Variants in CNBD1 observed in about 807,000 individuals in gnomAD.
The protein encoded by CNBD1 is cyclic nucleotide binding domain containing 1.
In CNBD1, 71 loss-of-function variants were observed where a neutral mutation model predicts 54.4. The ratio of observed to expected loss-of-function variants is 1.30; its 90% CI spans 1.08 to 1.59. CNBD1 has a LOEUF of 1.59. Ranked by LOEUF, CNBD1 falls within the 40% of genes most tolerant of loss-of-function variation. The pLI is 0.00. For missense variants in CNBD1, 659 were observed against 518.0 expected (o/e 1.27, Z -2.64); for synonymous variants, 182 against 170.7 (o/e 1.07, Z -0.51).
chr8:87,406,477 CACTT>C (rs1292802637), intron 2 of CNBD1, among the ~76,000 whole-genome samples: 484 of 99,924 alleles, frequency 4.8e-3, no homozygotes, highest in African/African-American at 0.021. Flanking sequence ...CACACACACA[CACTT>C]TTTTTTTTTT....
intron 3 of CNBD1, among the ~76,000 whole-genome samples, chr8:86,913,607 G>A (rs1586130550): frequency 6.6e-6 from 1 of 152,252 alleles, no homozygotes; most frequent in Non-Finnish European, 1.5e-5. Context: ...TTTCAAAGGG[G>A]AGGGAATGCA....
intron 2 of CNBD1, among the ~76,000 whole-genome samples, chr8:87,388,040 A>T (rs1406413041): frequency 6.6e-6 from 1 of 152,212 alleles, no homozygotes. Flanking sequence ...AGAAATAAAG[A>T]TGTTCTTTGA....
At chr8:87,262,583 A>G (rs752436582) in intron 6 of CNBD1, among the ~76,000 whole-genome samples, 1 of 152,126 alleles carries the variant, frequency 6.6e-6, no homozygotes, top group Non-Finnish European at 1.5e-5. Context: ...GCTAAGACAT[A>G]TATCTCCTGC....
At chr8:87,386,381 A>G (rs1288130973), downstream of CNBD1, among the ~76,000 whole-genome samples, 1 of 152,142 alleles carries the variant, frequency 6.6e-6, no homozygotes, top group Non-Finnish European at 1.5e-5. Context: ...AATTAGATGA[A>G]TGGCTAACGA....
chr8:87,176,897 A>G (rs931238438), intron 4 of CNBD1, among the ~76,000 whole-genome samples: 1 of 152,320 alleles, frequency 6.6e-6, no homozygotes, highest in Non-Finnish European at 1.5e-5. Flanking sequence ...TCATTTAAAT[A>G]GAATACTTTA....
chr8:86,934,452 G>A (rs1471173260), intron 3 of CNBD1, among the ~76,000 whole-genome samples: 1 of 152,030 alleles, frequency 6.6e-6, no homozygotes, highest in Non-Finnish European at 1.5e-5. Context: ...AAAAATAACA[G>A]CTTTACTTGT....
At chr8:86,930,957 C>T (rs1586142655) in intron 3 of CNBD1, among the ~76,000 whole-genome samples, 1 of 152,152 alleles carries the variant, frequency 6.6e-6, no homozygotes, top group East Asian at 1.9e-4. Context: ...CCTTCCAAGT[C>T]CTAGACTTCA....
chr8:87,080,124 T>A (rs1810959200), intron 4 of CNBD1, among the ~76,000 whole-genome samples: 1 of 152,224 alleles, frequency 6.6e-6, no homozygotes, highest in Non-Finnish European at 1.5e-5. Context: ...GAGCCTACAT[T>A]TCTGGGTCTA....
chr8:86,881,839 G>A (rs1302028523), intron 1 of CNBD1, among the ~76,000 whole-genome samples: 2 of 152,038 alleles, frequency 1.3e-5, no homozygotes, highest in Non-Finnish European at 2.9e-5. Flanking sequence ...ATGGAACAGA[G>A]TAGTGAACCC....
At chr8:87,129,938 T>C (rs1253571280) in intron 4 of CNBD1, among the ~76,000 whole-genome samples, 1 of 152,170 alleles carries the variant, frequency 6.6e-6, no homozygotes, top group Admixed American at 6.5e-5. Context: ...CTCACAATCA[T>C]GGTGGAAGGC....
intron 4 of CNBD1, among the ~76,000 whole-genome samples, chr8:86,963,287 C>A (rs1263098154): frequency 6.6e-6 from 1 of 152,136 alleles, no homozygotes; most frequent in East Asian, 1.9e-4. Flanking sequence ...TAGACCCTAT[C>A]TATGCCATGT....
At chr8:87,373,037 T>C (rs1810850543) in intron 10 of CNBD1, among the ~76,000 whole-genome samples, 1 of 151,824 alleles carries the variant, frequency 6.6e-6, no homozygotes, top group Non-Finnish European at 1.5e-5. Context: ...TTATAGTAGT[T>C]AGATTATAAC....
chr8:86,956,419 G>C (rs76510137), intron 4 of CNBD1, among the ~76,000 whole-genome samples: 111,469 of 152,020 alleles, frequency 0.73, 42,197 homozygotes, highest in East Asian at 0.96. Context: ...AATTACCTTG[G>C]GCAGTATGAC....
At chr8:87,237,532 T>C (rs1182976260) in intron 6 of CNBD1, among the ~76,000 whole-genome samples, 3 of 152,156 alleles carry the variant, frequency 2.0e-5, no homozygotes, top group Non-Finnish European at 4.4e-5. Context: ...GATAGTCAAG[T>C]AGTTAATTAC....
At chr8:87,284,578 T>G (rs1808656082) in intron 6 of CNBD1, 100 bp from the exon 7 acceptor site, 1 of 1,055,186 alleles carries the variant, frequency 9.5e-7, no homozygotes, top group African/African-American at 1.6e-5. Flanking sequence ...GAACCCCCTC[T>G]TTCATAGAAT....
rs1466032595 is a variant in CNBD1, at chr8:87,183,391, T to G, written c.432-22602T>G. ...GTTTGTTTTTGCGCTGTTTGTTTTT[T>G]TTTTTTTTTTTTGCTAATGATGGCT... On this transcript the variant is annotated intron_variant, in intron 4 of 10. Transcript: ENST00000518476. Among the ~76,000 whole-genome samples the G allele has an allele frequency of 1.4e-3, 193 of 139,448 alleles. 2 individuals carry two copies. The highest frequency in any genetic ancestry group is 4.7e-3 in the African/African-American group (179 of 38,120). The allele number at this position is 139,448 out of a possible 152,430, so 91.5% of individuals were successfully genotyped here.
intron 4 of CNBD1, among the ~76,000 whole-genome samples, chr8:87,010,577 A>G (rs1466885952): frequency 6.6e-6 from 1 of 152,062 alleles, no homozygotes; most frequent in Non-Finnish European, 1.5e-5. Context: ...GTGAAACCCT[A>G]TCTCTACTAA....
At chr8:86,904,961 G>A (rs1478125959) in intron 2 of CNBD1, 120 bp from the exon 3 acceptor site, 1 of 415,436 alleles carries the variant, frequency 2.4e-6, no homozygotes, top group African/African-American at 2.0e-5. Flanking sequence ...TTATATTTTT[G>A]TTAGTTGCTT....
intron 10 of CNBD1, among the ~76,000 whole-genome samples, chr8:87,361,531 T>G (rs1367836645): frequency 6.6e-6 from 1 of 151,792 alleles, no homozygotes; most frequent in Non-Finnish European, 1.5e-5. Flanking sequence ...TTACAAATAT[T>G]GATATCTAAT....
Sources: gnomAD v4.1 joint callset for allele counts (sites outside exome capture counted in the v4.1 genomes callset) on GRCh38, gnomAD v4.1.1 for gene constraint, MANE v1.5 for transcripts, NCBI Gene and HGNC (gene_info 2026-07-23, HGNC 2026-07-21) for gene names.